ARMH1: variants seen among roughly 807,000 people sequenced by gnomAD.
ARMH1 encodes armadillo-like helical domain containing protein 1.
A neutral mutation model predicts 50.2 loss-of-function variants in ARMH1; 34 were observed. That is an observed-to-expected ratio of 0.68 (90% CI 0.51 to 0.90). The LOEUF is 0.90. Among genes scored for constraint, ARMH1 ranks in the 40% least tolerant of loss-of-function variants. The probability of loss-of-function intolerance (pLI) is 0.00; values close to 1 mark genes in which losing one functional copy is unlikely to be tolerated. For missense variants in ARMH1, 538 were observed against 553.9 expected (o/e 0.97, Z 0.29); for synonymous variants, 221 against 224.2 (o/e 0.99, Z 0.13).
In ARMH1 at chr1:44,681,156, G is replaced by A. The variant is rs979821158; in HGVS notation, c.-23+6283G>A. 6.6e-6 allele frequency among the ~76,000 whole-genome samples: 1 copy of A among 151,622 alleles called. No homozygotes were observed. Among genetic ancestry groups the A allele is most frequent in the Admixed American group, 6.6e-5 (1 of 15,224 alleles). On this transcript the variant is annotated intron_variant, in intron 1 of 11. Coordinates refer to ENST00000535358, the MANE Select transcript of ARMH1 (RefSeq NM_001145636.2). The surrounding 1 kb of genome is among the most constrained non-coding windows in gnomAD (Gnocchi z 4.3). The stretch of plus-strand genomic sequence containing the variant: ...ACTGCAGGCGTCCACCACCATGCCC[G>A]GCTAACTTTTTGTATTTTTTAGTAG...
At position 44,703,393 on chromosome 1, in the gene ARMH1, T is replaced by G. The variant is rs1389026852; in HGVS notation, c.640-696T>G. ...CCAGGCACCTGGCTGTTTGGAAGTC[T>G]GCGTTTCCTTTCTAACAGGTAGACA... On this transcript the variant is annotated intron_variant, in intron 5 of 11. Transcript: ENST00000535358. Among the ~76,000 whole-genome samples the G allele has an allele frequency of 5.3e-5, 8 of 152,158 alleles. No individual in the cohort carries two copies. The East Asian group carries it at 1.6e-3, about 30-fold the overall frequency.
At chr1:44,691,317 TCTC>T (rs1423675391) in intron 2 of ARMH1, among the ~76,000 whole-genome samples, 1 of 151,890 alleles carries the variant, frequency 6.6e-6, no homozygotes, top group Non-Finnish European at 1.5e-5. Context: ...CTCCACTTCC[TCTC>T]CTCCCTTTTC....
intron 6 of ARMH1, among the ~76,000 whole-genome samples, chr1:44,715,606 C>G (rs1445946717): frequency 6.6e-6 from 1 of 152,196 alleles, no homozygotes; most frequent in African/African-American, 2.4e-5. Flanking sequence ...GTCACCCAGG[C>G]TGGAGTGCAG....
intron 6 of ARMH1, among the ~76,000 whole-genome samples, chr1:44,708,219 G>A (rs76515449): frequency 0.016 from 2,510 of 152,290 alleles, 55 homozygotes; most frequent in African/African-American, 0.054. Flanking sequence ...GTGGGTGACC[G>A]GAGAGGATTA....
intron 6 of ARMH1, among the ~76,000 whole-genome samples, chr1:44,721,419 GTCA>G (rs894642434): frequency 6.6e-6 from 1 of 151,856 alleles, no homozygotes; most frequent in African/African-American, 2.4e-5. Flanking sequence ...TGCACACAAA[GTCA>G]TCACTATAAA....
At chr1:44,699,975 G>A (rs973269550) in intron 4 of ARMH1, among the ~76,000 whole-genome samples, 8 of 151,874 alleles carry the variant, frequency 5.3e-5, no homozygotes, top group Non-Finnish European at 8.8e-5. Context: ...GACTACAGGC[G>A]CGTGCCACCA....
Position 44,698,192 on chromosome 1 carries a change from T to C in ARMH1, c.405T>C (p.Ser135=), listed in dbSNP as rs931048496. 3 of 1,552,206 alleles carry C rather than the reference T, an allele frequency of 1.9e-6. No homozygotes were observed. The highest frequency in any genetic ancestry group is 2.6e-6 in the Non-Finnish European group (3 of 1,146,988). The change falls in exon 4 of 12, where the codon TCT becomes TCC. Residue 135 remains serine (S), a synonymous_variant. Transcript: ENST00000535358. ...AACTACTTCAGGTTATTGCGAACTC[T>C]GGCAGGACATACAAGGAACTCATTT... ...SVKLLQVIAN[S]GRTYKELICE...
In ARMH1 at chr1:44,692,430, T is replaced by C. The variant is rs1645687294; in HGVS notation, c.206+2527T>C. 2.6e-5 allele frequency among the ~76,000 whole-genome samples: 4 copies of C among 152,264 alleles called. No homozygotes were observed. In the South Asian group the frequency reaches 8.3e-4, roughly 32 times the overall value. ...CTTAATAATCATAACATTTTATTGT[T>C]ATTACCTGCTTAATATCTCTCTTTC... On this transcript the variant is annotated intron_variant, in intron 2 of 11. Transcript: ENST00000535358.
intron 1 of ARMH1, among the ~76,000 whole-genome samples, chr1:44,678,896 G>A (rs1408199533): frequency 6.6e-6 from 1 of 152,206 alleles, no homozygotes; most frequent in African/African-American, 2.4e-5. Context: ...AGGACCTTTG[G>A]CTTAGCATGA....
chr1:44,722,602 G>T (rs1647466123), intron 6 of ARMH1, among the ~76,000 whole-genome samples: 2 of 151,456 alleles, frequency 1.3e-5, no homozygotes, highest in African/African-American at 4.9e-5. Flanking sequence ...AAATCAGCCG[G>T]GCGTGGTGGC....
intron 6 of ARMH1, among the ~76,000 whole-genome samples, chr1:44,723,293 G>A (rs1049447635): frequency 2.6e-5 from 4 of 152,136 alleles, no homozygotes; most frequent in Non-Finnish European, 5.9e-5. Flanking sequence ...AAGGAGGGTT[G>A]GTCGAATGAA....
chr1:44,717,374 A>G (rs976825009), intron 6 of ARMH1, among the ~76,000 whole-genome samples: 1 of 152,178 alleles, frequency 6.6e-6, no homozygotes, highest in African/African-American at 2.4e-5. Context: ...CCTGGCCACA[A>G]ATGTGACATG....
chr1:44,698,405 T>C (rs553106892), intron 4 of ARMH1, among the ~76,000 whole-genome samples, 176 bp downstream of exon 4: 165 of 152,358 alleles, frequency 1.1e-3, no homozygotes, highest in Non-Finnish European at 1.9e-3. Context: ...GATTCATCAT[T>C]TGCTCACATT....
At chr1:44,721,686 ACCACT>A (rs1289057712) in intron 6 of ARMH1, 4 of 152,048 alleles carry the variant, frequency 2.6e-5, no homozygotes, top group African/African-American at 9.7e-5. Flanking sequence ...CCGCGACCAC[ACCACT>A]CCGCTACAAC....
chr1:44,688,487 G>A (rs1383832116), intron 1 of ARMH1, among the ~76,000 whole-genome samples: 3 of 152,184 alleles, frequency 2.0e-5, no homozygotes, highest in African/African-American at 4.8e-5. Flanking sequence ...GATCTCTGGC[G>A]AAGATGTAGA....
chr1:44,702,710 C>CA (rs11449439), intron 5 of ARMH1, among the ~76,000 whole-genome samples: 56,640 of 89,796 alleles, frequency 0.63, 16,498 homozygotes, highest in East Asian at 0.93. Context: ...GACTCCATCT[C>CA]AAAAAAAAAA....
chr1:44,697,302 C>T (rs1305441100), intron 3 of ARMH1, 132 bp downstream of exon 3: 5 of 707,468 alleles, frequency 7.1e-6, no homozygotes, highest in African/African-American at 5.3e-5. Context: ...GGGATGGGCC[C>T]AGAGGTAATG....
chr1:44,721,605 C>T (rs1159667361), intron 6 of ARMH1, among the ~76,000 whole-genome samples: 2 of 151,888 alleles, frequency 1.3e-5, no homozygotes, highest in African/African-American at 4.8e-5. Context: ...AAAAAGTACA[C>T]AAAATTAGAC....
At chr1:44,712,740 T>C (rs58136390) in intron 6 of ARMH1, among the ~76,000 whole-genome samples, 23,590 of 148,870 alleles carry the variant, frequency 0.16, 2,316 homozygotes, top group Admixed American at 0.23. Flanking sequence ...CTTGGCTCAC[T>C]GGAACCTCTG....
Sources: gnomAD v4.1 joint callset for allele counts (sites outside exome capture counted in the v4.1 genomes callset) on GRCh38, gnomAD v4.1.1 for gene constraint, Gnocchi (gnomAD v3.1) non-coding constraint, MANE v1.5 for transcripts, NCBI Gene and HGNC (gene_info 2026-07-23, HGNC 2026-07-21) for gene names.